Variants in ROBO1 observed in about 807,000 individuals in gnomAD.
ROBO1 encodes the protein roundabout guidance receptor 1.
A neutral mutation model predicts 195.9 loss-of-function variants in ROBO1; 149 were observed. The observed-to-expected ratio is 0.76, with a 90% CI of 0.67 to 0.87. The LOEUF (loss-of-function observed/expected upper bound fraction) is 0.87. ROBO1 is among the 40% of genes least tolerant of loss of function. The pLI is 0.00. For synonymous variants in ROBO1, 816 were observed against 733.2 expected (o/e 1.11, Z -1.82); for missense variants, 1,933 against 2,068.3 (o/e 0.93, Z 1.27).
chr3:78,935,561 T>C lies in ROBO1; in HGVS notation c.499+3040A>G, dbSNP rs185253111. On this transcript the variant is annotated intron_variant, in intron 4 of 30. Coordinates refer to ENST00000464233, the MANE Select transcript of ROBO1 (RefSeq NM_002941.4). ...ATTGGTGATATTGGTTACAGGAGAATAGACCCACAAACTATTTTCCTAATA... is the reference window on the plus strand; with the variant it reads ...ATTGGTGATATTGGTTACAGGAGAACAGACCCACAAACTATTTTCCTAATA... Among the ~76,000 whole-genome samples the C allele has an allele frequency of 2.3e-3, 353 of 152,138 alleles. 4 individuals carry two copies. Among genetic ancestry groups the C allele is most frequent in the African/African-American group, 8.1e-3 (338 of 41,566 alleles).
At chr3:78,702,558 A>G (rs2081444451) in intron 8 of ROBO1, among the ~76,000 whole-genome samples, 1 of 152,228 alleles carries the variant, frequency 6.6e-6, no homozygotes, top group Non-Finnish European at 1.5e-5. Flanking sequence ...AGGCTGTTAA[A>G]ATGAACATTT....
chr3:79,069,521 A>G (rs1404570718), intron 3 of ROBO1, among the ~76,000 whole-genome samples: 1 of 151,952 alleles, frequency 6.6e-6, no homozygotes, highest in Non-Finnish European at 1.5e-5. Flanking sequence ...ATTTACAATG[A>G]CATCCTTTTG....
chr3:79,216,575 G>A (rs1379962341), intron 2 of ROBO1, among the ~76,000 whole-genome samples: 1 of 151,878 alleles, frequency 6.6e-6, no homozygotes, highest in Non-Finnish European at 1.5e-5. Flanking sequence ...TTCCTGTGGA[G>A]TACCTCCGAA....
chr3:78,921,481 C>T (rs1012968375), intron 4 of ROBO1, among the ~76,000 whole-genome samples: 1 of 152,170 alleles, frequency 6.6e-6, no homozygotes, highest in East Asian at 1.9e-4. Flanking sequence ...ATAACTGCAA[C>T]ACAGGTCATT....
At chr3:79,345,359 C>T (rs1425545024) in intron 2 of ROBO1, among the ~76,000 whole-genome samples, 1 of 152,130 alleles carries the variant, frequency 6.6e-6, no homozygotes, top group Non-Finnish European at 1.5e-5. Context: ...CTGACAGGAG[C>T]AGAAGTGTAG....
chr3:78,862,447 G>A (rs1449083915), intron 4 of ROBO1, among the ~76,000 whole-genome samples: 1 of 152,132 alleles, frequency 6.6e-6, no homozygotes, highest in Non-Finnish European at 1.5e-5. Context: ...AGTCTTATCA[G>A]ACCCTAAGCA....
intron 1 of ROBO1, among the ~76,000 whole-genome samples, chr3:79,629,661 A>T (rs1180137337): frequency 6.6e-6 from 1 of 152,046 alleles, no homozygotes; most frequent in Non-Finnish European, 1.5e-5. Flanking sequence ...ATTAAATGAG[A>T]TAGAGTCCAA....
At chr3:79,487,544 C>G (rs796565422) in intron 2 of ROBO1, among the ~76,000 whole-genome samples, 13 of 152,238 alleles carry the variant, frequency 8.5e-5, no homozygotes, top group African/African-American at 3.1e-4. Context: ...CCCCTTTATT[C>G]TATTTTATCT....
chr3:78,668,081 T>C (rs1330871446), intron 13 of ROBO1, 32 bp from the exon 14 acceptor site: 1 of 1,611,546 alleles, frequency 6.2e-7, no homozygotes, highest in South Asian at 1.1e-5. Context: ...AGAACATGCG[T>C]ATTTAATGGA....
chr3:79,539,830 T>C (rs1941999864), intron 2 of ROBO1, among the ~76,000 whole-genome samples: 1 of 152,100 alleles, frequency 6.6e-6, no homozygotes, highest in South Asian at 2.1e-4. Context: ...TTTTATTTCC[T>C]GGACTTCTTC....
At chr3:79,365,768 G>T (rs2035951705) in intron 2 of ROBO1, among the ~76,000 whole-genome samples, 1 of 151,864 alleles carries the variant, frequency 6.6e-6, no homozygotes, top group African/African-American at 2.4e-5. Flanking sequence ...GTGGTGGCGG[G>T]TGCCTGTAGT....
rs1455414839 is a variant in ROBO1, at chr3:79,397,868, C to A, written c.88+191956G>T. Among the ~76,000 whole-genome samples the A allele has an allele frequency of 2.6e-5, 4 of 152,054 alleles. No homozygotes were observed. In the East Asian group the frequency reaches 7.7e-4, roughly 29 times the overall value. On this transcript the variant is annotated intron_variant, in intron 2 of 30. Transcript: ENST00000464233. Reference sequence around the variant, plus strand: ...TATTATTCATCTGTAAAATGAGAACCACTCCTGGGTTTACTGAAAAACTAA... The same window carrying A: ...TATTATTCATCTGTAAAATGAGAACAACTCCTGGGTTTACTGAAAAACTAA...
chr3:78,968,598 T>C (rs1342726640), intron 3 of ROBO1, among the ~76,000 whole-genome samples: 2 of 151,756 alleles, frequency 1.3e-5, no homozygotes, highest in Non-Finnish European at 1.5e-5. Context: ...ATCAACTCTT[T>C]GGTCTCCAAA....
chr3:79,300,407 C>G (rs2032857776), intron 2 of ROBO1, among the ~76,000 whole-genome samples: 1 of 152,190 alleles, frequency 6.6e-6, no homozygotes, highest in Non-Finnish European at 1.5e-5. Context: ...GCAGTGCCGG[C>G]CCACCGGCGC....
intron 3 of ROBO1, among the ~76,000 whole-genome samples, chr3:78,944,709 A>G (rs543945912): frequency 4.5e-4 from 69 of 152,316 alleles, no homozygotes; most frequent in Admixed American, 1.2e-3. Context: ...CAAACCAGAG[A>G]GAGGCATTGC....
chr3:79,154,973 T>A (rs2080833409), intron 2 of ROBO1, among the ~76,000 whole-genome samples: 1 of 151,802 alleles, frequency 6.6e-6, no homozygotes. Context: ...TGTGGTTGAA[T>A]TCTGTGACAG....
intron 4 of ROBO1, among the ~76,000 whole-genome samples, chr3:78,802,107 G>A (rs769705713): frequency 3.3e-5 from 5 of 152,024 alleles, no homozygotes; most frequent in Non-Finnish European, 7.4e-5. Flanking sequence ...GATTCAACAG[G>A]CTAGGAAGTT....
chr3:79,094,410 T>G (rs934207207), intron 3 of ROBO1, among the ~76,000 whole-genome samples: 3 of 152,110 alleles, frequency 2.0e-5, no homozygotes, highest in Non-Finnish European at 4.4e-5. Context: ...TTAATTATCC[T>G]GCAAATCATA....
intron 2 of ROBO1, among the ~76,000 whole-genome samples, chr3:79,364,052 A>C (rs762989588): frequency 2.6e-5 from 4 of 151,840 alleles, no homozygotes; most frequent in Non-Finnish European, 4.4e-5. Flanking sequence ...AAAATACAAA[A>C]AATTGGCCAG....
Sources: allele counts gnomAD v4.1 joint callset (sites outside exome capture counted in the v4.1 genomes callset), GRCh38; gene constraint gnomAD v4.1.1; transcripts MANE v1.5; gene names NCBI Gene and HGNC (gene_info 2026-07-23, HGNC 2026-07-21).